USP25: variants seen among roughly 807,000 people sequenced by gnomAD.
The protein encoded by USP25 is ubiquitin specific peptidase 25, also known as ubiquitin carboxyl-terminal hydrolase 25.
In USP25, 85 loss-of-function variants were observed where a neutral mutation model predicts 158.5. That is an observed-to-expected ratio of 0.54 (90% CI 0.45 to 0.64). The LOEUF (loss-of-function observed/expected upper bound fraction) is 0.64, where lower values mean the gene tolerates loss of function less well. Ranked by LOEUF, USP25 falls within the 30% of genes least tolerant of loss-of-function variation. The pLI, the probability that USP25 is intolerant of heterozygous loss-of-function variation, is 0.00. For missense variants in USP25, 1,242 were observed against 1,327.3 expected (o/e 0.94, Z 1.00); for synonymous variants, 464 against 460.4 (o/e 1.01, Z -0.10).
At chr21:15,730,504 G>A in intron 1 of USP25, 66 bp downstream of exon 1, 1 of 1,290,056 alleles carries the variant, frequency 7.8e-7, no homozygotes, top group Non-Finnish European at 9.9e-7. Flanking sequence ...CTCCCGCTGC[G>A]GCCGGGCGCC....
intron 10 of USP25, among the ~76,000 whole-genome samples, chr21:15,823,683 CATTCAACATCACGTTG>C (rs2037349422): frequency 6.6e-6 from 1 of 152,066 alleles, no homozygotes; most frequent in Admixed American, 6.6e-5. Context: ...GTATAAGTGC[CATTCAACATCACGTTG>C]AAGAAGACAG....
At chr21:15,740,399 G>GT (rs1028009925) in intron 1 of USP25, among the ~76,000 whole-genome samples, 23 of 151,036 alleles carry the variant, frequency 1.5e-4, no homozygotes, top group East Asian at 3.9e-4. Context: ...AACGGACATT[G>GT]TTTTTTTTTG....
At position 15,827,015 on chromosome 21, in the gene USP25, C is replaced by G. The variant is rs1372740037; in HGVS notation, c.1505C>G (p.Pro502Arg). The change falls in exon 14 of 26, where the codon CCA (proline) becomes CGA (arginine). Residue 502 changes from proline to arginine, a missense_variant. Pro to Arg is a moderately radical substitution (Grantham distance 103, BLOSUM62 -2). This residue lies in a region of USP25 where 627 missense variants were observed against 701.4 expected (regional missense o/e 0.89). Transcript: ENST00000400183. ...EQQGALSSEL[P>R]STSPSSVAAI... ...CAGGGAGCCCTATCTTCAGAACTGC[C>G]AAGCACATCACCTTCATCAGTTGCT... The G allele has an allele frequency of 1.2e-6, 2 of 1,613,964 alleles. No homozygotes were observed. Among genetic ancestry groups the G allele is most frequent in the African/African-American group, 2.7e-5 (2 of 74,922 alleles).
rs2037373308 is a variant in USP25, at chr21:15,824,164, C to T, written c.1206C>T (p.Asp402=). Residue 402 remains aspartate (D), a splice_region_variant and synonymous_variant, in exon 11 of 26, where the codon GAC becomes GAT. Coordinates refer to ENST00000400183, the MANE Select transcript of USP25 (RefSeq NM_001283041.3). ...AATTTCCCCAAGTTTTATATTTGGA[C>T]AGGTATGGTTTGATATACTGCATGA... The part of the protein sequence containing the change: ...KLEFPQVLYL[D]RYMHRNREIT... 1 of 1,611,822 alleles carries T rather than the reference C, an allele frequency of 6.2e-7. No individual in the cohort carries two copies. The highest frequency in any genetic ancestry group is 8.5e-7 in the Non-Finnish European group (1 of 1,179,664).
intron 9 of USP25, among the ~76,000 whole-genome samples, chr21:15,813,018 C>A (rs546909166): frequency 1.3e-5 from 2 of 151,270 alleles, no homozygotes; most frequent in Non-Finnish European, 2.9e-5. Flanking sequence ...TCTCTTTCCC[C>A]CCTTCCCTTC....
Position 15,826,133 on chromosome 21 carries a change from TATA to T in USP25, c.1305-60_1305-58del, listed in dbSNP as rs1488680110. On this transcript the variant is annotated intron_variant, in intron 12 of 25. Transcript: ENST00000400183. This position sits in a 1 kb window ranked among gnomAD's most constrained non-coding sequence, Gnocchi z 4.8. ...TTTATTGAAGTATCGTATCACGTTT[TATA>T]ATAATAATAAAGGCCCAAATATGCT... is the stretch of plus-strand genomic sequence containing the variant. The T allele has an allele frequency of 3.9e-5, 57 of 1,470,630 alleles. No homozygotes were observed. The highest frequency in any genetic ancestry group is 4.7e-5 in the Non-Finnish European group (51 of 1,087,130). 91.1% of individuals were successfully genotyped at this position (1,470,630 alleles called of 1,614,324 possible). A position where few individuals can be genotyped will look rare whatever the true frequency, so the allele number is the denominator to read the frequency against.
intron 1 of USP25, among the ~76,000 whole-genome samples, chr21:15,733,486 C>A (rs918471177): frequency 2.6e-5 from 4 of 151,942 alleles, no homozygotes; most frequent in Admixed American, 6.6e-5. Flanking sequence ...AATCCCAGCA[C>A]TTTGGGAGGC....
intron 1 of USP25, among the ~76,000 whole-genome samples, chr21:15,732,757 T>C (rs1401037390): frequency 2.0e-5 from 3 of 152,220 alleles, no homozygotes; most frequent in Non-Finnish European, 4.4e-5. Context: ...GTTTTTTTGT[T>C]GTTTGCAGCA....
chr21:15,757,347 A>C (rs1262753880), intron 1 of USP25, among the ~76,000 whole-genome samples: 1 of 152,098 alleles, frequency 6.6e-6, no homozygotes, highest in East Asian at 1.9e-4. Flanking sequence ...CCCGATCACC[A>C]GTTCTTTTCA....
intron 1 of USP25, 102 bp downstream of exon 1, chr21:15,730,540 G>C (rs74858409): frequency 0.1 from 125,346 of 1,225,922 alleles, 8,001 homozygotes; most frequent in African/African-American, 0.3. Flanking sequence ...CCGCCTTCCC[G>C]GGCTTCCTCC....
intron 1 of USP25, among the ~76,000 whole-genome samples, chr21:15,757,840 A>C (rs112130206): frequency 6.6e-5 from 10 of 152,202 alleles, no homozygotes; most frequent in African/African-American, 2.4e-4. Flanking sequence ...GTATGAATAC[A>C]GGGATGGGAG....
intron 18 of USP25, among the ~76,000 whole-genome samples, chr21:15,846,195 C>T (rs2038608667): frequency 9.7e-6 from 1 of 103,462 alleles, no homozygotes. Flanking sequence ...CAGAGTCTTA[C>T]TCTGTAACCC....
chr21:15,844,151 T>G (rs112227650), intron 18 of USP25, among the ~76,000 whole-genome samples: 1 of 152,132 alleles, frequency 6.6e-6, no homozygotes, highest in Admixed American at 6.6e-5. Context: ...CCATTGCATA[T>G]GTAAATCCTG....
chr21:15,841,716 C>T (rs138291164), intron 17 of USP25, among the ~76,000 whole-genome samples: 175 of 152,194 alleles, frequency 1.1e-3, no homozygotes, highest in African/African-American at 4.0e-3. Flanking sequence ...TGACTGTGAG[C>T]TTCATGGAGA....
At chr21:15,825,242 A>G (rs1461523225) in intron 12 of USP25, among the ~76,000 whole-genome samples, 181 bp downstream of exon 12, 1 of 152,194 alleles carries the variant, frequency 6.6e-6, no homozygotes, top group Non-Finnish European at 1.5e-5. Context: ...AAATTATTCT[A>G]GTGTTTAAAA....
At chr21:15,822,646 A>G (rs1450542373) in intron 10 of USP25, among the ~76,000 whole-genome samples, 2 of 151,966 alleles carry the variant, frequency 1.3e-5, no homozygotes, top group African/African-American at 4.8e-5. Flanking sequence ...TATCCTAAAG[A>G]ATCAAAAGTG....
chr21:15,875,667 G>A lies in USP25; in HGVS notation c.3009+1141G>A, dbSNP rs1265451778. ...ATGGATAAATAGAAGTTTTATTCAT[G>A]ATAGAGAAGGGAGAATATTCCAGTA... is the stretch of plus-strand genomic sequence containing the variant. On this transcript the variant is annotated intron_variant, in intron 24 of 25. Transcript: ENST00000400183. This position sits in a 1 kb window ranked among gnomAD's most constrained non-coding sequence, Gnocchi z 4.7. Among the ~76,000 whole-genome samples the A allele has an allele frequency of 6.6e-6, 1 of 152,188 alleles. No homozygotes were observed. The highest frequency in any genetic ancestry group is 1.5e-5 in the Non-Finnish European group (1 of 68,030).
rs532867090 is a variant in USP25, at chr21:15,790,285, A to G, written c.393-1217A>G. On this transcript the variant is annotated intron_variant, in intron 4 of 25. Transcript: ENST00000400183. ...TCACTCTTAAGTGTGACAGAAGTAG[A>G]AACTGTTTACTTTTCACTATATGAG... Among the ~76,000 whole-genome samples, 84 of 152,126 alleles carry G rather than the reference A, an allele frequency of 5.5e-4. No individual in the cohort carries two copies. In the Middle Eastern group the frequency reaches 0.017, roughly 31 times the overall value.
In USP25 at chr21:15,825,095, A is replaced by G. The variant is rs772534053; in HGVS notation, c.1304+34A>G. 2.7e-6 allele frequency: 4 copies of G among 1,474,414 alleles called. No homozygotes were observed. In the South Asian group the frequency reaches 4.9e-5, roughly 18 times the overall value. The allele number at this position is 1,474,414 out of a possible 1,614,324, so 91.3% of individuals were successfully genotyped here. On this transcript the variant is annotated intron_variant, in intron 12 of 25. Transcript: ENST00000400183. ...ACTTTTATGAAATTAGGAGATAATTATCAGAAACCATGTATTTGGTGACTA... is the reference window on the plus strand; with the variant it reads ...ACTTTTATGAAATTAGGAGATAATTGTCAGAAACCATGTATTTGGTGACTA...
Sources: gnomAD v4.1 joint callset for allele counts (sites outside exome capture counted in the v4.1 genomes callset) on GRCh38, gnomAD v4.1.1 for gene constraint, gnomAD v4.1.1 regional missense constraint, Gnocchi (gnomAD v3.1) non-coding constraint, MANE v1.5 for transcripts, NCBI Gene and HGNC (gene_info 2026-07-23, HGNC 2026-07-21) for gene names.